Variants in NRXN1 observed in about 807,000 individuals in gnomAD.
NRXN1 encodes neurexin-1.
A neutral mutation model predicts 150.9 loss-of-function variants in NRXN1; 39 were observed. The ratio of observed to expected loss-of-function variants is 0.26; its 90% CI spans 0.20 to 0.34. The LOEUF (loss-of-function observed/expected upper bound fraction) is 0.34, where lower values mean the gene tolerates loss of function less well. Among genes scored for constraint, NRXN1 ranks in the 10% least tolerant of loss-of-function variants. NRXN1 has a pLI of 1.00. For synonymous variants in NRXN1, 924 were observed against 757.0 expected, an observed-to-expected ratio of 1.22 and a Z score of -3.62; for missense variants, 1,815 against 1,949.9, an observed-to-expected ratio of 0.93 and a Z score of 1.30.
chr2:50,969,971 T>C (rs577340760), intron 2 of NRXN1, among the ~76,000 whole-genome samples: 20 of 152,166 alleles, frequency 1.3e-4, no homozygotes, highest in Non-Finnish European at 1.8e-4. Context: ...AATGCTGATA[T>C]ACTGAGTGGG....
intron 5 of NRXN1, among the ~76,000 whole-genome samples, chr2:50,633,852 T>A (rs1345004448): frequency 6.6e-6 from 1 of 152,040 alleles, no homozygotes; most frequent in African/African-American, 2.4e-5. Context: ...GAGTTATATG[T>A]GAAACTGAGC....
chr2:50,705,628 T>C (rs754432597), intron 5 of NRXN1, among the ~76,000 whole-genome samples: 6 of 152,208 alleles, frequency 3.9e-5, no homozygotes, highest in Non-Finnish European at 8.8e-5. Flanking sequence ...CATACAATGT[T>C]TTTCTTGAAT....
chr2:50,151,109 C>T (rs760421858), intron 18 of NRXN1, among the ~76,000 whole-genome samples: 3 of 151,706 alleles, frequency 2.0e-5, no homozygotes, highest in Non-Finnish European at 4.4e-5. Flanking sequence ...CCAAATGAAG[C>T]TGACAAGCTG....
intron 2 of NRXN1, among the ~76,000 whole-genome samples, chr2:51,020,528 T>C (rs1478784548): frequency 1.3e-5 from 2 of 152,006 alleles, no homozygotes; most frequent in African/African-American, 4.8e-5. Flanking sequence ...ATAATACTAT[T>C]AGCATTCACA....
intron 21 of NRXN1, among the ~76,000 whole-genome samples, chr2:50,049,980 A>C (rs969043652): frequency 6.6e-6 from 1 of 152,006 alleles, no homozygotes; most frequent in African/African-American, 2.4e-5. Flanking sequence ...GAATTTTATA[A>C]ATTTTATAAA....
chr2:50,469,993 C>T (rs180846224), intron 16 of NRXN1, among the ~76,000 whole-genome samples: 307 of 151,470 alleles, frequency 2.0e-3, no homozygotes, highest in Non-Finnish European at 3.5e-3. Flanking sequence ...TACTTGCTTC[C>T]GCCCACTCAC....
At chr2:50,146,633 A>C (rs548651124) in intron 18 of NRXN1, among the ~76,000 whole-genome samples, 1 of 151,836 alleles carries the variant, frequency 6.6e-6, no homozygotes, top group African/African-American at 2.4e-5. Context: ...ATTAAAGCTG[A>C]TTATAACTTA....
intron 17 of NRXN1, among the ~76,000 whole-genome samples, chr2:50,389,467 AT>A (rs1034156783): frequency 2.0e-5 from 3 of 151,906 alleles, no homozygotes; most frequent in African/African-American, 7.3e-5. Context: ...ACTGGTATCA[AT>A]AATATATGAA....
intron 2 of NRXN1, among the ~76,000 whole-genome samples, chr2:50,958,168 G>C (rs1391256647): frequency 6.6e-6 from 1 of 152,120 alleles, no homozygotes; most frequent in Non-Finnish European, 1.5e-5. Flanking sequence ...TATTTGGAAA[G>C]ATTTTAATCA....
At chr2:50,351,264 G>A (rs1034016252) in intron 17 of NRXN1, among the ~76,000 whole-genome samples, 4 of 152,260 alleles carry the variant, frequency 2.6e-5, no homozygotes, top group Admixed American at 6.5e-5. Context: ...CAGACAGTGC[G>A]ATGTAAGTGT....
At chr2:50,195,425 T>C (rs2061695294) in intron 18 of NRXN1, among the ~76,000 whole-genome samples, 1 of 152,198 alleles carries the variant, frequency 6.6e-6, no homozygotes, top group African/African-American at 2.4e-5. Context: ...TTGTGCTAAA[T>C]TTTAACAGTG....
At chr2:50,673,539 A>C (rs887495687) in intron 5 of NRXN1, among the ~76,000 whole-genome samples, 1 of 152,122 alleles carries the variant, frequency 6.6e-6, no homozygotes, top group Non-Finnish European at 1.5e-5. Context: ...CTCATAAAAG[A>C]TGTTTACATT....
chr2:50,266,294 T>C (rs1160321705), intron 17 of NRXN1, among the ~76,000 whole-genome samples: 1 of 150,230 alleles, frequency 6.7e-6, no homozygotes, highest in East Asian at 1.9e-4. Context: ...CCACCACTCC[T>C]GGCTGAGGAT....
intron 17 of NRXN1, among the ~76,000 whole-genome samples, chr2:50,342,684 G>A (rs865932292): frequency 2.6e-5 from 4 of 152,232 alleles, no homozygotes; most frequent in African/African-American, 9.6e-5. Flanking sequence ...AAACATGCTT[G>A]AAGCAAAACG....
chr2:50,866,333 T>C (rs372055871), intron 5 of NRXN1, among the ~76,000 whole-genome samples: 3 of 151,978 alleles, frequency 2.0e-5, no homozygotes, highest in Non-Finnish European at 4.4e-5. Flanking sequence ...TAAACCTGAA[T>C]AAATTATTAT....
At chr2:50,727,000 A>C (rs2105168535) in intron 5 of NRXN1, among the ~76,000 whole-genome samples, 1 of 152,276 alleles carries the variant, frequency 6.6e-6, no homozygotes, top group Middle Eastern at 3.4e-3. Context: ...AGAGGACTAA[A>C]TAAATAAGAA....
chr2:50,932,335 T>A (rs754505141), intron 2 of NRXN1, among the ~76,000 whole-genome samples: 28 of 151,974 alleles, frequency 1.8e-4, no homozygotes, highest in Non-Finnish European at 3.7e-4. Flanking sequence ...TGGTTTCCAT[T>A]TACATGGAAT....
At chr2:49,976,758 G>T (rs1291830376) in intron 21 of NRXN1, among the ~76,000 whole-genome samples, 1 of 152,132 alleles carries the variant, frequency 6.6e-6, no homozygotes, top group African/African-American at 2.4e-5. Flanking sequence ...TACAGACATG[G>T]ATTAAGAGCT....
chr2:50,273,289 T>C (rs2152924831), intron 17 of NRXN1, among the ~76,000 whole-genome samples: 1 of 152,326 alleles, frequency 6.6e-6, no homozygotes, highest in African/African-American at 2.4e-5. Context: ...ATCATACAAA[T>C]GAACTGAAAC....
Sources: gnomAD v4.1 joint callset for allele counts (sites outside exome capture counted in the v4.1 genomes callset) on GRCh38, gnomAD v4.1.1 for gene constraint, MANE v1.5 for transcripts, NCBI Gene and HGNC (gene_info 2026-07-23, HGNC 2026-07-21) for gene names.